The following MMP24 variants were observed in gnomAD, a reference collection of about 807,000 sequenced individuals.
MMP24 encodes the protein matrix metallopeptidase 24.
Under a neutral mutation model 62.8 loss-of-function variants are expected in MMP24, and 25 were observed. The observed-to-expected ratio is 0.40, with a 90% CI of 0.29 to 0.56. The LOEUF (loss-of-function observed/expected upper bound fraction) is 0.56. Ranked by LOEUF, MMP24 falls within the 20% of genes least tolerant of loss-of-function variation. The pLI is 0.50. For missense variants in MMP24, 634 were observed against 853.6 expected, an observed-to-expected ratio of 0.74 and a Z score of 3.21; for synonymous variants, 319 against 350.5, an observed-to-expected ratio of 0.91 and a Z score of 1.00.
chr20:35,251,807 T>C lies in MMP24; in HGVS notation c.396-98T>C, dbSNP rs943478066. The C allele has an allele frequency of 2.4e-5, 23 of 953,864 alleles. No individual in the cohort carries two copies. The African/African-American group carries it at 2.6e-4, about 11-fold the overall frequency. The allele number at this position is 953,864 out of a possible 1,614,324, so 59.1% of individuals were successfully genotyped here. A position where few individuals can be genotyped will look rare whatever the true frequency, so the allele number is the denominator to read the frequency against. The stretch of plus-strand genomic sequence containing the variant: ...CCAGAGTGTAGCTTGAGGATGCACA[T>C]TGCTTTCCAGACTGGAGCTGGGGAA... On this transcript the variant is annotated intron_variant, in intron 2 of 8. Transcript: ENST00000246186.
chr20:35,262,233 G>A (rs563621542), intron 4 of MMP24, among the ~76,000 whole-genome samples: 1 of 152,236 alleles, frequency 6.6e-6, no homozygotes, highest in South Asian at 2.1e-4. Flanking sequence ...GAAATAAGGG[G>A]ACCCAGGGAA....
chr20:35,241,475 G>C (rs1283521985), intron 1 of MMP24, among the ~76,000 whole-genome samples: 1 of 152,130 alleles, frequency 6.6e-6, no homozygotes, highest in Non-Finnish European at 1.5e-5. Context: ...ACAGAGCCTA[G>C]AGAATATTAG....
intron 1 of MMP24, among the ~76,000 whole-genome samples, chr20:35,233,644 A>G (rs978323487): frequency 6.6e-6 from 1 of 152,204 alleles, no homozygotes; most frequent in African/African-American, 2.4e-5. Flanking sequence ...AGATTATACT[A>G]TTATTACTGT....
At chr20:35,250,110 G>A (rs1368242873) in intron 2 of MMP24, among the ~76,000 whole-genome samples, 2 of 151,978 alleles carry the variant, frequency 1.3e-5, no homozygotes, top group Non-Finnish European at 2.9e-5. Context: ...ATGCCACCAT[G>A]CCTGGCTAAT....
At chr20:35,239,049 ATTTTT>A (rs559984259) in intron 1 of MMP24, among the ~76,000 whole-genome samples, 283 of 133,282 alleles carry the variant, frequency 2.1e-3, no homozygotes, top group African/African-American at 7.3e-3. Context: ...ACTTTTTTCA[ATTTTT>A]TTTTTTTTTT....
At chr20:35,248,902 A>G (rs1456041582) in intron 2 of MMP24, among the ~76,000 whole-genome samples, 2 of 152,150 alleles carry the variant, frequency 1.3e-5, no homozygotes, top group Non-Finnish European at 2.9e-5. Context: ...CTGCGGCACC[A>G]CCTGGCCTTG....
In MMP24 at chr20:35,264,074, C is replaced by G. The variant is rs578088952; in HGVS notation, c.979+122C>G. The G allele has an allele frequency of 1.7e-4, 191 of 1,121,148 alleles. 2 individuals carry two copies. In the South Asian group the frequency reaches 2.6e-3, roughly 15 times the overall value. The allele number at this position is 1,121,148 out of a possible 1,614,324, so 69.4% of individuals were successfully genotyped here. A position where few individuals can be genotyped will look rare whatever the true frequency, so the allele number is the denominator to read the frequency against. ...TATCATCAGCACTGCTGCTGTTTCT[C>G]TGTGTGTGACCTTTACAGACTTCCA... On this transcript the variant is annotated intron_variant, in intron 5 of 8. Transcript: ENST00000246186.
rs2060689121 is a variant in MMP24, at chr20:35,274,121, C to T, written c.1601-151C>T. ...GGGTGCCCCCCTCTGCAGCTTCTTACTCCATGACTCAGCCAAGCACTGCAC... is the reference window on the plus strand; with the variant it reads ...GGGTGCCCCCCTCTGCAGCTTCTTATTCCATGACTCAGCCAAGCACTGCAC... On this transcript the variant is annotated intron_variant, in intron 8 of 8. Coordinates refer to ENST00000246186, the MANE Select transcript of MMP24 (RefSeq NM_006690.4). This position sits in a 1 kb window ranked among gnomAD's most constrained non-coding sequence, Gnocchi z 5.1. 2.7e-6 allele frequency: 2 copies of T among 737,506 alleles called. No individual in the cohort carries two copies. The highest frequency in any genetic ancestry group is 4.4e-6 in the Non-Finnish European group (2 of 457,724). The allele number at this position is 737,506 out of a possible 1,614,324, so 45.7% of individuals were successfully genotyped here. A position where few individuals can be genotyped will look rare whatever the true frequency, so the allele number is the denominator to read the frequency against.
chr20:35,259,449 A>G (rs2060591709), intron 4 of MMP24, among the ~76,000 whole-genome samples: 2 of 152,128 alleles, frequency 1.3e-5, no homozygotes, highest in Admixed American at 6.5e-5. Flanking sequence ...AGTGGCAATC[A>G]CGTGGGGAGG....
chr20:35,254,362 C>G, intron 3 of MMP24, 88 bp from the exon 4 acceptor site: 4 of 1,299,600 alleles, frequency 3.1e-6, no homozygotes, highest in Non-Finnish European at 4.3e-6. Context: ...AATCAGATCA[C>G]TGAGCCACAT....
intron 2 of MMP24, among the ~76,000 whole-genome samples, chr20:35,248,725 ACTT>A (rs1408480118): frequency 6.6e-6 from 1 of 152,018 alleles, no homozygotes; most frequent in Non-Finnish European, 1.5e-5. Flanking sequence ...ATGAGTGTGA[ACTT>A]CTTCTCCTGT....
Position 35,269,108 on chromosome 20 carries a change from G to A in MMP24, c.1195-652G>A, listed in dbSNP as rs1329394861. On this transcript the variant is annotated intron_variant, in intron 6 of 8. Transcript: ENST00000246186. The surrounding 1 kb of genome is among the most constrained non-coding windows in gnomAD (Gnocchi z 4.6). ...TGCTTGTGTACCAGCCCAAGACTGA[G>A]GCACCAGTTACAAGAGGCGTTTTTA... Among the ~76,000 whole-genome samples the A allele has an allele frequency of 2.0e-5, 3 of 152,016 alleles. No individual in the cohort carries two copies. The highest frequency in any genetic ancestry group is 4.4e-5 in the Non-Finnish European group (3 of 68,032).
intron 4 of MMP24, among the ~76,000 whole-genome samples, chr20:35,254,959 G>A: frequency 6.6e-6 from 1 of 152,140 alleles, no homozygotes; most frequent in East Asian, 1.9e-4. Context: ...AGATCACTTA[G>A]AAGATAGTCC....
intron 6 of MMP24, among the ~76,000 whole-genome samples, chr20:35,268,240 G>C (rs1415991402): frequency 4.6e-5 from 7 of 152,182 alleles, no homozygotes; most frequent in Non-Finnish European, 7.3e-5. Context: ...TGACTGAGGA[G>C]AGCTCTCTGA....
intron 2 of MMP24, among the ~76,000 whole-genome samples, chr20:35,250,057 A>G (rs1302356210): frequency 6.6e-6 from 1 of 151,820 alleles, no homozygotes; most frequent in East Asian, 1.9e-4. Context: ...AGCTCAGGTG[A>G]TCCTCCCACC....
intron 1 of MMP24, among the ~76,000 whole-genome samples, chr20:35,241,023 G>A (rs1276670859): frequency 1.3e-5 from 2 of 152,292 alleles, no homozygotes; most frequent in East Asian, 3.9e-4. Flanking sequence ...AACAAAGGAG[G>A]TGACATTGAG....
chr20:35,266,528 G>A (rs994864367), intron 5 of MMP24, among the ~76,000 whole-genome samples: 1 of 152,036 alleles, frequency 6.6e-6, no homozygotes, highest in East Asian at 1.9e-4. Flanking sequence ...AGCCTCTAGA[G>A]TAGGGCAGAT....
intron 1 of MMP24, among the ~76,000 whole-genome samples, chr20:35,244,602 G>A (rs572051448): frequency 4.6e-5 from 7 of 152,024 alleles, no homozygotes; most frequent in South Asian, 4.2e-4. Context: ...CACCATGCCC[G>A]GCTAATTTTT....
At chr20:35,237,612 G>GCAT (rs2060470268) in intron 1 of MMP24, among the ~76,000 whole-genome samples, 1 of 152,206 alleles carries the variant, frequency 6.6e-6, no homozygotes, top group Non-Finnish European at 1.5e-5. Context: ...CTACCACAGT[G>GCAT]CATCATCTCA....
Sources: gnomAD v4.1 joint callset for allele counts (sites outside exome capture counted in the v4.1 genomes callset) on GRCh38, gnomAD v4.1.1 for gene constraint, Gnocchi (gnomAD v3.1) non-coding constraint, MANE v1.5 for transcripts, NCBI Gene and HGNC (gene_info 2026-07-23, HGNC 2026-07-21) for gene names.